TONSL: variants seen among roughly 807,000 people sequenced by gnomAD.
TONSL encodes tonsoku like, DNA repair protein, also known as tonsoku-like protein.
In TONSL, 112 loss-of-function variants were observed where a neutral mutation model predicts 147.1. The ratio of observed to expected loss-of-function variants is 0.76; its 90% CI spans 0.65 to 0.89. The LOEUF is 0.89. Ranked by LOEUF, TONSL falls within the 40% of genes least tolerant of loss-of-function variation. The probability of loss-of-function intolerance (pLI) is 0.00; values close to 1 mark genes in which losing one functional copy is unlikely to be tolerated. For synonymous variants in TONSL, 868 were observed against 801.5 expected, an observed-to-expected ratio of 1.08 and a Z score of -1.40; for missense variants, 1,883 against 1,864.6, an observed-to-expected ratio of 1.01 and a Z score of -0.18.
Position 144,444,186 on chromosome 8 carries a change from C to G in TONSL, c.115G>C (p.Gly39Arg). 5 of 1,447,374 alleles carry G rather than the reference C, an allele frequency of 3.5e-6. No individual in the cohort carries two copies. Among genetic ancestry groups the G allele is most frequent in the Non-Finnish European group, 4.5e-6 (5 of 1,102,980 alleles). The allele number at this position is 1,447,374 out of a possible 1,614,324, so 89.7% of individuals were successfully genotyped here. Residue 39 changes from glycine to arginine, a missense_variant, in exon 2 of 26, where the codon GGC becomes CGC. Physicochemically the swap from Gly to Arg is moderately radical, Grantham distance 125. Coordinates refer to ENST00000409379, the MANE Select transcript of TONSL (RefSeq NM_013432.5). The part of the protein sequence containing the change: ...LCHQLGELLA[G>R]HGRYAEALEQ... The stretch of plus-strand genomic sequence containing the variant: ...TCCTGGTCCCGGCGCTCACCATGGC[C>G]GGCCAGGAGCTCCCCCAGCTGGTGG...
In TONSL at chr8:144,436,095, T is replaced by G. The variant is rs1168819162; in HGVS notation, c.2338A>C (p.Arg780=). The change falls in exon 17 of 26, where the codon AGG becomes CGG. Residue 780 remains arginine, a synonymous_variant. Transcript: ENST00000409379. ...CTGGTGCTGGCTGTGGCTGCTTCCC[T>G]GTTGCTGGCGGGGCCAGGCGTCCAG... ...AAWTPGPASN[R]EAATASTSRA... is the part of the protein sequence containing the mutation. 6.4e-7 allele frequency: 1 copy of G among 1,566,876 alleles called. No individual in the cohort carries two copies. Among genetic ancestry groups the G allele is most frequent in the South Asian group, 1.1e-5 (1 of 87,782 alleles).
chr8:144,441,151 G>A (rs747785886), intron 7 of TONSL, 40 bp from the exon 8 acceptor site: 1 of 1,603,872 alleles, frequency 6.2e-7, no homozygotes, highest in South Asian at 1.1e-5. Context: ...AGCACAGGGG[G>A]CCCTGACCCC....
intron 13 of TONSL, 200 bp downstream of exon 13, chr8:144,438,271 C>T (rs1034813935): frequency 6.6e-6 from 4 of 609,764 alleles, no homozygotes; most frequent in Admixed American, 2.8e-5. Context: ...GGCATGATCG[C>T]GACTCCTGCA....
rs376312635 is a variant in TONSL, at chr8:144,434,029, G to C, written c.3336C>G (p.Pro1112=). 1 of 1,607,516 alleles carries C rather than the reference G, an allele frequency of 6.2e-7. No homozygotes were observed. Among genetic ancestry groups the C allele is most frequent in the African/African-American group, 1.3e-5 (1 of 74,964 alleles). The change falls in exon 21 of 26, where the codon CCC becomes CCG. Residue 1112 remains proline (P), a synonymous_variant. Coordinates refer to ENST00000409379, the MANE Select transcript of TONSL (RefSeq NM_013432.5). ...LLDLSSNHLG[P]EGLRQLAMGL... ...CCATGGCAAGCTGGCGCAGGCCTTC[G>C]GGACCCAGGTGATTGGAGGAGAGGT...
chr8:144,434,974 C>T (rs1228706562), intron 19 of TONSL, 43 bp downstream of exon 19: 1 of 1,611,378 alleles, frequency 6.2e-7, no homozygotes, highest in Non-Finnish European at 8.5e-7. Context: ...CCGGGGGCTC[C>T]CGGTGCCTGA....
At position 144,436,848 on chromosome 8, in the gene TONSL, G is replaced by T. The variant is rs762039973; in HGVS notation, c.1799C>A (p.Thr600Asn). 5.0e-6 allele frequency: 8 copies of T among 1,610,708 alleles called. No homozygotes were observed. The highest frequency in any genetic ancestry group is 5.9e-6 in the Non-Finnish European group (7 of 1,179,922). ...DPGGQGCEGI[T>N]PLHDALNCGH... ...ACAGTTGAGGGCATCGTGGAGGGGG[G>T]TGATGCCTTCGCAGCCCTGGCCACC... Residue 600 changes from threonine to asparagine, a missense_variant, in exon 15 of 26, where the codon ACC (threonine) becomes AAC (asparagine). Thr to Asn is a moderately conservative substitution (Grantham distance 65). Coordinates refer to ENST00000409379, the MANE Select transcript of TONSL (RefSeq NM_013432.5).
chr8:144,438,043 C>T (rs1189007846), intron 13 of TONSL, among the ~76,000 whole-genome samples: 4 of 152,098 alleles, frequency 2.6e-5, no homozygotes, highest in Admixed American at 2.0e-4. Context: ...GCTGAGACTA[C>T]AGGCACACGC....
chr8:144,429,907 G>T (rs1554878263), intron 25 of TONSL, among the ~76,000 whole-genome samples: 1 of 152,208 alleles, frequency 6.6e-6, no homozygotes, highest in Non-Finnish European at 1.5e-5. Flanking sequence ...AGTGGGGCAA[G>T]CCAGGTCATC....
intron 24 of TONSL, 91 bp downstream of exon 24, chr8:144,430,987 G>A (rs1416251956): frequency 6.3e-6 from 9 of 1,434,202 alleles, no homozygotes; most frequent in African/African-American, 2.8e-5. Context: ...GGGAGGAGGA[G>A]CTGGTACCAT....
Position 144,436,021 on chromosome 8 carries a change from G to A in TONSL, c.2412C>T (p.Ser804=). 1 of 1,560,754 alleles carries A rather than the reference G, an allele frequency of 6.4e-7. No homozygotes were observed. The highest frequency in any genetic ancestry group is 8.6e-7 in the Non-Finnish European group (1 of 1,157,300). ...AAIRGVGSAQ[S]RLGPGPPRGH... Reference sequence around the variant, plus strand: ...CCCGCGGTGGGCCAGGCCCCAGCCGGCTCTGAGCACTGCCCACACCCCGGA... The same window carrying A: ...CCCGCGGTGGGCCAGGCCCCAGCCGACTCTGAGCACTGCCCACACCCCGGA... The change falls in exon 17 of 26, where the codon AGC becomes AGT. Residue 804 remains serine (S), a synonymous_variant. Coordinates refer to ENST00000409379, the MANE Select transcript of TONSL (RefSeq NM_013432.5).
chr8:144,435,385 G>A lies in TONSL; in HGVS notation c.2852+89C>T, dbSNP rs189399669. 4.8e-4 allele frequency: 635 copies of A among 1,313,996 alleles called. 5 individuals carry two copies. In the African/African-American group the frequency reaches 8.6e-3, roughly 18 times the overall value. The allele number at this position is 1,313,996 out of a possible 1,614,324, so 81.4% of individuals were successfully genotyped here. ...TCCTGGAACACACCAGGGAGCCCTC[G>A]TCACACGCCCCACCCTGACATGCAA... On this transcript the variant is annotated intron_variant, in intron 18 of 25. Transcript: ENST00000409379.
In TONSL at chr8:144,438,555, G is replaced by A; in HGVS notation, c.1569C>T (p.Asn523=). ...HLGRRKGSKW[N]RRNDMGETLL... ...GGGTCTCCCCCATGTCGTTTCGCCG[G>A]TTCCACTGTGGGCACAGCCAACCCA... The change falls in exon 13 of 26, where the codon AAC becomes AAT. Residue 523 remains asparagine (N), a synonymous_variant. Coordinates refer to ENST00000409379, the MANE Select transcript of TONSL (RefSeq NM_013432.5). The A allele has an allele frequency of 4.3e-6, 7 of 1,613,092 alleles. No homozygotes were observed. The highest frequency in any genetic ancestry group is 5.9e-6 in the Non-Finnish European group (7 of 1,179,902).
rs1436584460 is a variant in TONSL at position 144,435,772 on chromosome 8, G to C, written c.2661C>G (p.Cys887Trp). Residue 887 changes from cysteine to tryptophan, a missense_variant, in exon 17 of 26, where the codon TGC (cysteine) becomes TGG (tryptophan). Transcript: ENST00000409379. ...TGGGCCCTGCGTTAACTGGCGCACT[G>C]CAACTCTGCATGCAGGTCAGGCGGA... ...KQVRLTCMQS[C>W]SAPVNAGPSS... The C allele has an allele frequency of 2.5e-6, 4 of 1,612,894 alleles. No individual in the cohort carries two copies. Among genetic ancestry groups the C allele is most frequent in the Non-Finnish European group, 3.4e-6 (4 of 1,179,940 alleles).
intron 24 of TONSL, 129 bp from the exon 25 acceptor site, chr8:144,430,666 T>A: frequency 1.7e-6 from 2 of 1,175,454 alleles, no homozygotes; most frequent in Admixed American, 2.9e-5. Flanking sequence ...TGCCTCAGCC[T>A]GGCCCAGTAG....
chr8:144,440,316 C>A, intron 10 of TONSL, 35 bp downstream of exon 10: 1 of 1,563,236 alleles, frequency 6.4e-7, no homozygotes, highest in South Asian at 1.2e-5. Flanking sequence ...CTGGGCTCAC[C>A]GGGGAGCCAG....
intron 23 of TONSL, among the ~76,000 whole-genome samples, chr8:144,431,749 G>A (rs564298331): frequency 1.3e-5 from 2 of 151,604 alleles, no homozygotes; most frequent in Non-Finnish European, 2.9e-5. Context: ...TCCTGACCTC[G>A]TGATCCGCCC....
At chr8:144,429,442 G>A (rs1440690407) in intron 25 of TONSL, 106 bp from the exon 26 acceptor site, 2 of 1,094,350 alleles carry the variant, frequency 1.8e-6, no homozygotes, top group Non-Finnish European at 1.2e-6. Flanking sequence ...GGGCCCCAGG[G>A]CTGTAGCGAG....
rs1554878438 is a variant in TONSL at position 144,430,552 on chromosome 8, G to C, written c.3810-15C>G. ...GAGAGAGACATCTGAGATAACATGG[G>C]AAGAAGTGCAAAGGTTGGCTTCCAG... On this transcript the variant is annotated splice_polypyrimidine_tract_variant and intron_variant, in intron 24 of 25. Coordinates refer to ENST00000409379, the MANE Select transcript of TONSL (RefSeq NM_013432.5). 1 of 1,601,792 alleles carries C rather than the reference G, an allele frequency of 6.2e-7. No homozygotes were observed. Among genetic ancestry groups the C allele is most frequent in the East Asian group, 2.3e-5 (1 of 44,394 alleles).
At position 144,443,199 on chromosome 8, in the gene TONSL, A is replaced by G; in HGVS notation, c.387T>C (p.Ala129=). 4.5e-6 allele frequency: 7 copies of G among 1,550,798 alleles called. No individual in the cohort carries two copies. The highest frequency in any genetic ancestry group is 6.1e-6 in the Non-Finnish European group (7 of 1,146,976). ...DIYDHCQSRD[A]LLQAQAAFEK... is the part of the protein sequence containing the mutation. ...CAAAGGCAGCCTGTGCCTGCAGCAA[A>G]GCATCCCTCGACTGGCAGTGGTCAT... Residue 129 remains alanine (A), a synonymous_variant, in exon 4 of 26, where the codon GCT becomes GCC. Transcript: ENST00000409379.
Sources: allele counts gnomAD v4.1 joint callset (sites outside exome capture counted in the v4.1 genomes callset), GRCh38; gene constraint gnomAD v4.1.1; transcripts MANE v1.5; gene names NCBI Gene and HGNC (gene_info 2026-07-23, HGNC 2026-07-21).